ROBO2: variants seen among roughly 807,000 people sequenced by gnomAD.
ROBO2 encodes roundabout guidance receptor 2.
Under a neutral mutation model 160.8 loss-of-function variants are expected in ROBO2, and 53 were observed. The observed-to-expected ratio is 0.33, with a 90% CI of 0.26 to 0.41. The LOEUF is 0.41. Among genes scored for constraint, ROBO2 ranks in the 10% least tolerant of loss-of-function variants. The pLI is 1.00. For missense variants in ROBO2, 1,577 were observed against 1,722.4 expected, an observed-to-expected ratio of 0.92 and a Z score of 1.49; for synonymous variants, 664 against 611.7, an observed-to-expected ratio of 1.09 and a Z score of -1.26.
chr3:77,045,557 A>G lies in ROBO2; in HGVS notation c.61+4711A>G, dbSNP rs192294901. ...GTCCAATGAGAATGTACAAAACTCAAGCCTAAGACAGAATCTTCTCTTTCT... is the reference window on the plus strand; with the variant it reads ...GTCCAATGAGAATGTACAAAACTCAGGCCTAAGACAGAATCTTCTCTTTCT... On this transcript the variant is annotated intron_variant, in intron 1 of 25. Coordinates refer to ENST00000461745, the Ensembl canonical transcript of ROBO2. Among the ~76,000 whole-genome samples, 34 of 152,318 alleles carry G rather than the reference A, an allele frequency of 2.2e-4. 1 individual carries two copies. The highest frequency in any genetic ancestry group is 8.2e-4 in the African/African-American group (34 of 41,562).
chr3:76,223,180 T>G (rs1358683353), intron 2 of ROBO2, among the ~76,000 whole-genome samples: 22 of 152,058 alleles, frequency 1.4e-4, no homozygotes, highest in Admixed American at 1.4e-3. Context: ...ATGCTTCGTT[T>G]ATCACCTTTA....
At chr3:77,405,013 T>C (rs1314119499) in intron 2 of ROBO2, among the ~76,000 whole-genome samples, 2 of 152,132 alleles carry the variant, frequency 1.3e-5, no homozygotes, top group Non-Finnish European at 2.9e-5. Context: ...AAAGCAAAAA[T>C]CACAGAATTG....
intron 7 of ROBO2, among the ~76,000 whole-genome samples, chr3:77,546,780 C>T (rs928921731): frequency 7.9e-5 from 12 of 152,016 alleles, no homozygotes; most frequent in Admixed American, 3.9e-4. Flanking sequence ...ATTTTGTTTT[C>T]TTGTATTGAG....
At chr3:77,527,472 T>A in intron 6 of ROBO2, 58 bp downstream of exon 7, 2 of 1,149,480 alleles carry the variant, frequency 1.7e-6, no homozygotes, top group Non-Finnish European at 2.3e-6. Flanking sequence ...TCATAACTCA[T>A]GCATAGTAAG....
At chr3:77,202,604 T>C (rs754397337) in intron 2 of ROBO2, among the ~76,000 whole-genome samples, 1 of 152,154 alleles carries the variant, frequency 6.6e-6, no homozygotes, top group Non-Finnish European at 1.5e-5. Context: ...AGTAATGAAA[T>C]CTAAGAAATC....
chr3:76,717,039 C>A (rs2093390871), intron 2 of ROBO2, among the ~76,000 whole-genome samples: 1 of 152,118 alleles, frequency 6.6e-6, no homozygotes, highest in Non-Finnish European at 1.5e-5. Context: ...AAGCCACCAA[C>A]CGTGTTGATG....
intron 2 of ROBO2, among the ~76,000 whole-genome samples, chr3:77,355,234 T>G (rs9867391): frequency 4.2e-5 from 3 of 72,260 alleles, no homozygotes; most frequent in Non-Finnish European, 1.0e-4. Flanking sequence ...TCTTCCCATC[T>G]GCATACCCTA....
chr3:76,287,136 A>T (rs764151148), intron 2 of ROBO2, among the ~76,000 whole-genome samples: 5 of 152,146 alleles, frequency 3.3e-5, no homozygotes, highest in Non-Finnish European at 7.4e-5. Flanking sequence ...ATCCTGACTG[A>T]TAAGAGGAAT....
intron 2 of ROBO2, among the ~76,000 whole-genome samples, chr3:77,148,469 T>G (rs2077287613): frequency 6.6e-6 from 1 of 152,244 alleles, no homozygotes; most frequent in Admixed American, 6.5e-5. Flanking sequence ...AAAGGAAAAC[T>G]ACTTGAACTT....
At chr3:77,334,916 T>G (rs1267004896) in intron 2 of ROBO2, among the ~76,000 whole-genome samples, 1 of 152,190 alleles carries the variant, frequency 6.6e-6, no homozygotes, top group Non-Finnish European at 1.5e-5. Context: ...TTATCTATAT[T>G]ATTCCATTTG....
chr3:76,825,268 G>T (rs748242282), intron 2 of ROBO2, among the ~76,000 whole-genome samples: 1 of 152,118 alleles, frequency 6.6e-6, no homozygotes, highest in Non-Finnish European at 1.5e-5. Context: ...AGCCTGAAAG[G>T]CAATAAATGG....
At chr3:77,584,890 GTA>G (rs1230601820) in intron 16 of ROBO2, among the ~76,000 whole-genome samples, 2 of 72,880 alleles carry the variant, frequency 2.7e-5, no homozygotes, top group Non-Finnish European at 5.3e-5. Flanking sequence ...ATATATATAT[GTA>G]TGTGTGTGTG....
intron 2 of ROBO2, among the ~76,000 whole-genome samples, chr3:76,993,254 G>A (rs2060794037): frequency 6.6e-6 from 1 of 152,140 alleles, no homozygotes; most frequent in Non-Finnish European, 1.5e-5. Flanking sequence ...AGAGTTACTA[G>A]TAACATTTGA....
At chr3:77,469,821 C>T (rs1002348482) in intron 2 of ROBO2, among the ~76,000 whole-genome samples, 2 of 152,238 alleles carry the variant, frequency 1.3e-5, no homozygotes, top group African/African-American at 4.8e-5. Context: ...AAAAGGGGTG[C>T]AGCACACATC....
At chr3:76,784,733 C>G (rs186490182) in intron 2 of ROBO2, among the ~76,000 whole-genome samples, 2 of 151,230 alleles carry the variant, frequency 1.3e-5, no homozygotes, top group African/African-American at 4.8e-5. Flanking sequence ...AACTGGTTAG[C>G]AGGAATTGTG....
intron 2 of ROBO2, among the ~76,000 whole-genome samples, chr3:76,772,517 C>CT (rs5850289): frequency 0.51 from 70,587 of 138,192 alleles, 18,571 homozygotes; most frequent in African/African-American, 0.71. Flanking sequence ...TGGGTTTTTT[C>CT]TTTTTTTTTT....
chr3:76,427,868 C>G (rs1012960317), intron 2 of ROBO2, among the ~76,000 whole-genome samples: 5 of 152,082 alleles, frequency 3.3e-5, no homozygotes, highest in African/African-American at 1.2e-4. Context: ...ATATCTTAAT[C>G]AGTCACATTG....
At chr3:77,425,354 G>A (rs1308921006) in intron 2 of ROBO2, among the ~76,000 whole-genome samples, 2 of 152,144 alleles carry the variant, frequency 1.3e-5, no homozygotes, top group East Asian at 3.9e-4. Flanking sequence ...AGTTTGGTCT[G>A]TTAGAATTTG....
intron 2 of ROBO2, among the ~76,000 whole-genome samples, chr3:77,326,840 G>A (rs570770573): frequency 6.6e-6 from 1 of 152,312 alleles, no homozygotes; most frequent in African/African-American, 2.4e-5. Context: ...CCCTGGTGGA[G>A]CTGTGGACGT....
Sources: gnomAD v4.1 joint callset for allele counts (sites outside exome capture counted in the v4.1 genomes callset) on GRCh38, gnomAD v4.1.1 for gene constraint, MANE v1.5 for transcripts, NCBI Gene and HGNC (gene_info 2026-07-23, HGNC 2026-07-21) for gene names.